Variants in CHRM3 observed in about 807,000 individuals in gnomAD.
CHRM3 encodes cholinergic receptor muscarinic 3.
In CHRM3, 11 loss-of-function variants were observed where a neutral mutation model predicts 41.8. The observed-to-expected ratio is 0.26, with a 90% CI of 0.17 to 0.44. The LOEUF is 0.44. Ranked by LOEUF, CHRM3 falls within the 20% of genes least tolerant of loss-of-function variation. The pLI, the probability that CHRM3 is intolerant of heterozygous loss-of-function variation, is 1.00. For missense variants in CHRM3, 571 were observed against 745.4 expected (o/e 0.77, Z 2.72); for synonymous variants, 297 against 301.4 (o/e 0.99, Z 0.15).
intron 1 of CHRM3, among the ~76,000 whole-genome samples, chr1:239,402,548 G>A (rs1660070372): frequency 6.6e-6 from 1 of 152,126 alleles, no homozygotes; most frequent in Non-Finnish European, 1.5e-5. Flanking sequence ...TGTCACTGTA[G>A]CCACATCAGC....
At chr1:239,587,575 T>C (rs1335401632) in intron 3 of CHRM3, among the ~76,000 whole-genome samples, 2 of 152,172 alleles carry the variant, frequency 1.3e-5, no homozygotes, top group African/African-American at 4.8e-5. Context: ...AACTGTACAA[T>C]GAAATATAGT....
chr1:239,461,351 A>AAT (rs1388119443), intron 1 of CHRM3, among the ~76,000 whole-genome samples: 3 of 152,182 alleles, frequency 2.0e-5, no homozygotes, highest in African/African-American at 7.2e-5. Flanking sequence ...GTTTTTGGTC[A>AAT]ATATACATAG....
chr1:239,556,170 T>C (rs1296346884), intron 3 of CHRM3, among the ~76,000 whole-genome samples: 1 of 152,144 alleles, frequency 6.6e-6, no homozygotes, highest in Non-Finnish European at 1.5e-5. Flanking sequence ...AGATTCATGT[T>C]TGAAAACTTT....
intron 3 of CHRM3, among the ~76,000 whole-genome samples, chr1:239,575,439 T>A (rs1484113514): frequency 6.6e-6 from 1 of 152,204 alleles, no homozygotes; most frequent in Non-Finnish European, 1.5e-5. Context: ...ATAATTCATA[T>A]TCTTTTATTG....
chr1:239,448,766 A>C (rs1664346507), intron 1 of CHRM3, among the ~76,000 whole-genome samples: 1 of 152,176 alleles, frequency 6.6e-6, no homozygotes. Context: ...TAAAGCACCC[A>C]TTAGTATTTT....
At chr1:239,751,055 C>A (rs746579532) in intron 5 of CHRM3, among the ~76,000 whole-genome samples, 1 of 151,896 alleles carries the variant, frequency 6.6e-6, no homozygotes, top group Non-Finnish European at 1.5e-5. Flanking sequence ...TGGTGAAACT[C>A]CGTCTCTACT....
intron 2 of CHRM3, among the ~76,000 whole-genome samples, chr1:239,518,617 A>T (rs1427146676): frequency 6.6e-6 from 1 of 152,212 alleles, no homozygotes; most frequent in East Asian, 1.9e-4. Context: ...GCCAGAAGCT[A>T]TTGCCAATAT....
chr1:239,769,440 G>A (rs1206770457), intron 5 of CHRM3, among the ~76,000 whole-genome samples: 5 of 152,214 alleles, frequency 3.3e-5, no homozygotes, highest in Non-Finnish European at 7.3e-5. Flanking sequence ...CCTTTAAAAT[G>A]TGAATTTTGG....
intron 4 of CHRM3, among the ~76,000 whole-genome samples, chr1:239,634,444 AAAAG>A (rs1670243032): frequency 6.6e-6 from 1 of 152,046 alleles, no homozygotes; most frequent in African/African-American, 2.4e-5. Context: ...AAAAGAACAG[AAAAG>A]AAAAAGAGAA....
intron 6 of CHRM3, among the ~76,000 whole-genome samples, chr1:239,850,756 C>G (rs207461301): frequency 1.3e-5 from 2 of 152,184 alleles, no homozygotes; most frequent in South Asian, 4.2e-4. Flanking sequence ...GGATCATCCC[C>G]CTTTTGCTTG....
In CHRM3 at chr1:239,910,108, C is replaced by G. The variant is rs1680275189; in HGVS notation, c.*884C>G. 3 of 166,932 alleles carry G rather than the reference C, an allele frequency of 1.8e-5. No individual in the cohort carries two copies. The Admixed American group carries it at 2.0e-4, about 11-fold the overall frequency. 10.3% of individuals were successfully genotyped at this position (166,932 alleles called of 1,614,324 possible). A position where few individuals can be genotyped will look rare whatever the true frequency, so the allele number is the denominator to read the frequency against. ...GAGTCAGCTGAGCGCCGTGGCTTCG[C>G]CAGACTTGGTGTTAAGCAACCTCCT... On this transcript the variant is annotated 3_prime_UTR_variant, in exon 7 of 7. Transcript: ENST00000676153.
chr1:239,710,390 T>A (rs181788758), intron 5 of CHRM3, among the ~76,000 whole-genome samples: 18 of 152,278 alleles, frequency 1.2e-4, no homozygotes, highest in African/African-American at 3.8e-4. Flanking sequence ...TGTATAATCT[T>A]ATTAATTCCA....
intron 4 of CHRM3, among the ~76,000 whole-genome samples, chr1:239,650,106 C>T (rs1320107981): frequency 2.0e-5 from 3 of 152,132 alleles, no homozygotes; most frequent in Non-Finnish European, 4.4e-5. Flanking sequence ...GTGTCCTGTG[C>T]AAGAGCCCAG....
At chr1:239,743,592 T>C (rs574330372) in intron 5 of CHRM3, among the ~76,000 whole-genome samples, 5 of 152,120 alleles carry the variant, frequency 3.3e-5, no homozygotes, top group African/African-American at 1.2e-4. Flanking sequence ...CCACTTCACA[T>C]ACGAGCAAAC....
chr1:239,761,486 C>T (rs551183882), intron 5 of CHRM3, among the ~76,000 whole-genome samples: 40 of 152,268 alleles, frequency 2.6e-4, no homozygotes, highest in African/African-American at 7.2e-4. Context: ...ATCACTGGGT[C>T]GTAGACTTTC....
intron 5 of CHRM3, chr1:239,727,877 T>A (rs1414327271): frequency 6.6e-6 from 1 of 151,842 alleles, no homozygotes; most frequent in African/African-American, 2.4e-5. Context: ...TTACTCACTA[T>A]TTTTTTTCTG....
At chr1:239,562,771 C>T (rs2148496913) in intron 3 of CHRM3, among the ~76,000 whole-genome samples, 1 of 151,890 alleles carries the variant, frequency 6.6e-6, no homozygotes, top group South Asian at 2.1e-4. Flanking sequence ...GCCAGTAATC[C>T]CAGCTACTGG....
chr1:239,408,564 C>T (rs556691711), intron 1 of CHRM3, among the ~76,000 whole-genome samples: 35 of 148,818 alleles, frequency 2.4e-4, no homozygotes, highest in Non-Finnish European at 4.3e-4. Flanking sequence ...TTATAAATTA[C>T]CCAGTCTTGG....
At chr1:239,853,436 A>G (rs113767462) in intron 6 of CHRM3, among the ~76,000 whole-genome samples, 118 of 151,902 alleles carry the variant, frequency 7.8e-4, no homozygotes, top group Middle Eastern at 3.4e-3. Flanking sequence ...AGTGATTTGG[A>G]AAATGCAATT....
Sources: gnomAD v4.1 joint callset for allele counts (sites outside exome capture counted in the v4.1 genomes callset) on GRCh38, gnomAD v4.1.1 for gene constraint, MANE v1.5 for transcripts, NCBI Gene and HGNC (gene_info 2026-07-23, HGNC 2026-07-21) for gene names.